SHROOM3: variants seen among roughly 807,000 people sequenced by gnomAD.
SHROOM3 encodes shroom family member 3, also known as protein Shroom3.
Under a neutral mutation model 138.6 loss-of-function variants are expected in SHROOM3, and 47 were observed. The ratio of observed to expected loss-of-function variants is 0.34; its 90% CI spans 0.27 to 0.43. The LOEUF is 0.43. Among genes scored for constraint, SHROOM3 ranks in the 20% least tolerant of loss-of-function variants. The pLI is 1.00. For missense variants in SHROOM3, 2,491 were observed against 2,596.5 expected (o/e 0.96, Z 0.88); for synonymous variants, 1,062 against 1,063.3 (o/e 1.00, Z 0.02).
intron 2 of SHROOM3, among the ~76,000 whole-genome samples, chr4:76,613,978 A>G (rs1734818024): frequency 6.6e-6 from 1 of 152,200 alleles, no homozygotes; most frequent in Non-Finnish European, 1.5e-5. Context: ...AAAGAAACAC[A>G]AATGAATGAA....
chr4:76,718,808 C>T (rs1321817017), intron 3 of SHROOM3, among the ~76,000 whole-genome samples: 1 of 152,194 alleles, frequency 6.6e-6, no homozygotes, highest in Non-Finnish European at 1.5e-5. Context: ...ATGCAAAAAA[C>T]ACAACCCTTT....
At chr4:76,717,324 T>C (rs1374515417) in intron 3 of SHROOM3, among the ~76,000 whole-genome samples, 2 of 152,300 alleles carry the variant, frequency 1.3e-5, no homozygotes, top group Middle Eastern at 3.4e-3. Flanking sequence ...GTGTAGTTTT[T>C]CTGGTATTTA....
intron 2 of SHROOM3, among the ~76,000 whole-genome samples, chr4:76,672,868 G>A (rs1376996681): frequency 2.0e-5 from 3 of 152,116 alleles, no homozygotes; most frequent in Non-Finnish European, 4.4e-5. Flanking sequence ...GCTCATGCCC[G>A]GCCGGATACA....
At chr4:76,601,059 T>G (rs1294761913) in intron 2 of SHROOM3, among the ~76,000 whole-genome samples, 1 of 152,238 alleles carries the variant, frequency 6.6e-6, no homozygotes, top group Non-Finnish European at 1.5e-5. Flanking sequence ...CCACAATTAC[T>G]TCTGCACCAT....
At chr4:76,503,305 A>G (rs1014210383) in intron 1 of SHROOM3, among the ~76,000 whole-genome samples, 2 of 152,142 alleles carry the variant, frequency 1.3e-5, no homozygotes, top group African/African-American at 4.8e-5. Flanking sequence ...TAATTTTCCC[A>G]GTAATATTTT....
intron 3 of SHROOM3, among the ~76,000 whole-genome samples, chr4:76,721,306 G>A (rs1211903873): frequency 4.7e-5 from 7 of 149,670 alleles, no homozygotes; most frequent in East Asian, 4.0e-4. Context: ...GCGAGACTCC[G>A]TCTCAAAAAA....
intron 2 of SHROOM3, among the ~76,000 whole-genome samples, chr4:76,629,657 T>A (rs1036613850): frequency 6.6e-6 from 1 of 152,146 alleles, no homozygotes; most frequent in Non-Finnish European, 1.5e-5. Flanking sequence ...GATTCTGTAT[T>A]TATTTTGAAG....
intron 1 of SHROOM3, among the ~76,000 whole-genome samples, chr4:76,532,679 T>A (rs1732857503): frequency 6.6e-6 from 1 of 152,232 alleles, no homozygotes; most frequent in Non-Finnish European, 1.5e-5. Context: ...AGCATAAATT[T>A]GTTTTTCCAT....
In SHROOM3 at chr4:76,638,094, G is replaced by A. The variant is rs150161156; in HGVS notation, c.324-72062G>A. Among the ~76,000 whole-genome samples the A allele has an allele frequency of 9.2e-5, 14 of 152,276 alleles. No homozygotes were observed. The East Asian group carries it at 2.7e-3, about 29-fold the overall frequency. ...AAGAAAGCTTTTGCCAAACCTGTTA[G>A]ATGAGTCAACAGATAGAGACTTCCA... On this transcript the variant is annotated intron_variant, in intron 2 of 10. Coordinates refer to ENST00000296043, the MANE Select transcript of SHROOM3 (RefSeq NM_020859.4).
intron 1 of SHROOM3, among the ~76,000 whole-genome samples, chr4:76,480,851 A>G (rs750850128): frequency 3.3e-4 from 50 of 152,220 alleles, no homozygotes; most frequent in African/African-American, 9.4e-4. Context: ...GAACAGCTAC[A>G]TGGAAACTGA....
At chr4:76,453,889 A>G (rs1730976251) in intron 1 of SHROOM3, among the ~76,000 whole-genome samples, 1 of 152,216 alleles carries the variant, frequency 6.6e-6, no homozygotes, top group Admixed American at 6.5e-5. Flanking sequence ...TGGATAAAGC[A>G]CACTACTTTT....
At chr4:76,645,733 A>C (rs1735799104) in intron 2 of SHROOM3, 1 of 152,228 alleles carries the variant, frequency 6.6e-6, no homozygotes, top group Non-Finnish European at 1.5e-5. Flanking sequence ...GAAAAACCCC[A>C]CAGACCTAGA....
chr4:76,739,372 G>A lies in SHROOM3; in HGVS notation c.1199G>A (p.Arg400Gln), dbSNP rs781290519. Residue 400 changes from arginine (R) to glutamine (Q), a missense_variant, in exon 5 of 11, where the codon CGG becomes CAG. This residue lies in a region of SHROOM3 where 1,733 missense variants were observed against 1,661.6 expected (regional missense o/e 1.04). Coordinates refer to ENST00000296043, the MANE Select transcript of SHROOM3 (RefSeq NM_020859.4). ...DSYAAFRHRE[R>Q]PSSWSSLDQK... ...TACGCAGCATTTCGGCACCGTGAGC[G>A]GCCCAGCTCCTGGTCTAGCCTTGAT... 4.3e-6 allele frequency: 7 copies of A among 1,614,098 alleles called. No individual in the cohort carries two copies. The highest frequency in any genetic ancestry group is 5.9e-6 in the Non-Finnish European group (7 of 1,180,036).
intron 3 of SHROOM3, among the ~76,000 whole-genome samples, chr4:76,725,886 G>A (rs1394752523): frequency 6.6e-6 from 1 of 152,130 alleles, no homozygotes; most frequent in Non-Finnish European, 1.5e-5. Context: ...CACGCTCTCT[G>A]CCTTATAGAC....
intron 1 of SHROOM3, among the ~76,000 whole-genome samples, chr4:76,542,782 G>T (rs1253714857): frequency 6.6e-6 from 1 of 152,230 alleles, no homozygotes; most frequent in African/African-American, 2.4e-5. Context: ...CGGTAGGTTT[G>T]CAGTGATTTG....
chr4:76,570,401 C>T (rs1577892351), intron 2 of SHROOM3, among the ~76,000 whole-genome samples: 1 of 152,258 alleles, frequency 6.6e-6, no homozygotes, highest in Non-Finnish European at 1.5e-5. Flanking sequence ...AAAATGCAAC[C>T]TGGGGCTGTG....
At chr4:76,755,678 T>C (rs990608463) in intron 7 of SHROOM3, among the ~76,000 whole-genome samples, 1 of 152,128 alleles carries the variant, frequency 6.6e-6, no homozygotes, top group African/African-American at 2.4e-5. Flanking sequence ...CACATAGATA[T>C]TAATATATAC....
At chr4:76,510,132 A>G (rs1213267040) in intron 1 of SHROOM3, among the ~76,000 whole-genome samples, 1 of 152,174 alleles carries the variant, frequency 6.6e-6, no homozygotes, top group Non-Finnish European at 1.5e-5. Flanking sequence ...TTTTCCTTCT[A>G]TAAATCTATC....
chr4:76,473,883 T>C (rs1190176363), intron 1 of SHROOM3, among the ~76,000 whole-genome samples: 1 of 152,200 alleles, frequency 6.6e-6, no homozygotes, highest in Non-Finnish European at 1.5e-5. Context: ...TAAAATGGTA[T>C]AGTTGCTTTG....
Sources: allele counts gnomAD v4.1 joint callset (sites outside exome capture counted in the v4.1 genomes callset), GRCh38; gene constraint gnomAD v4.1.1; regional missense constraint gnomAD v4.1.1; transcripts MANE v1.5; gene names NCBI Gene and HGNC (gene_info 2026-07-23, HGNC 2026-07-21).